The following MCHR2 variants were observed in gnomAD, a reference collection of about 807,000 sequenced individuals.
The protein encoded by MCHR2 is melanin concentrating hormone receptor 2, also known as melanin-concentrating hormone receptor 2.
In MCHR2, 15 loss-of-function variants were observed where a neutral mutation model predicts 24.8. The observed-to-expected ratio is 0.60, with a 90% CI of 0.40 to 0.93. The LOEUF (loss-of-function observed/expected upper bound fraction) is 0.93. MCHR2 is among the 40% of genes least tolerant of loss of function. The probability of loss-of-function intolerance (pLI) is 0.00; values close to 1 mark genes in which losing one functional copy is unlikely to be tolerated. For synonymous variants in MCHR2, 151 were observed against 147.6 expected, an observed-to-expected ratio of 1.02 and a Z score of -0.17; for missense variants, 386 against 408.7, an observed-to-expected ratio of 0.94 and a Z score of 0.48.
intron 1 of MCHR2, among the ~76,000 whole-genome samples, 157 bp downstream of exon 1, chr6:99,993,779 G>C (rs1775933151): frequency 1.3e-5 from 2 of 152,094 alleles, no homozygotes; most frequent in African/African-American, 4.8e-5. Context: ...GGGGATGGAG[G>C]GGGATCCCCC....
intron 5 of MCHR2, among the ~76,000 whole-genome samples, chr6:99,928,874 T>A (rs1201672305): frequency 6.6e-6 from 1 of 152,218 alleles, no homozygotes; most frequent in Non-Finnish European, 1.5e-5. Context: ...TCTTGCCTTC[T>A]GCTAGCTTTT....
intron 5 of MCHR2, among the ~76,000 whole-genome samples, chr6:99,929,521 G>C (rs372294602): frequency 2.0e-5 from 3 of 152,242 alleles, no homozygotes; most frequent in Non-Finnish European, 4.4e-5. Context: ...TCTGGGTGCT[G>C]CTGTATTGGG....
Position 99,929,798 on chromosome 6 carries a change from C to A in MCHR2, c.707+4600G>T, listed in dbSNP as rs554811415. Among the ~76,000 whole-genome samples the A allele has an allele frequency of 2.7e-3, 411 of 150,826 alleles. 2 individuals are homozygous for A. The highest frequency in any genetic ancestry group is 9.5e-3 in the African/African-American group (393 of 41,308). ...GCATCTTGACTCTTTATCCAATTTG[C>A]CAGTCTGTGTCTTTTAATTGGAGCA... On this transcript the variant is annotated intron_variant, in intron 5 of 5. Transcript: ENST00000281806.
chr6:99,965,382 A>C (rs1330859082), intron 1 of MCHR2, among the ~76,000 whole-genome samples: 1 of 152,192 alleles, frequency 6.6e-6, no homozygotes, highest in Non-Finnish European at 1.5e-5. Flanking sequence ...GTTTACAAAA[A>C]TGTAGCAAAA....
intron 5 of MCHR2, among the ~76,000 whole-genome samples, chr6:99,926,410 A>G (rs1302190669): frequency 6.6e-6 from 1 of 152,298 alleles, no homozygotes; most frequent in Non-Finnish European, 1.5e-5. Flanking sequence ...GAATCGCCAC[A>G]CTGACTTCCA....
chr6:99,973,135 G>A (rs1376127525), intron 1 of MCHR2, among the ~76,000 whole-genome samples: 18 of 151,564 alleles, frequency 1.2e-4, no homozygotes, highest in African/African-American at 3.6e-4. Context: ...TTTCTGTCTC[G>A]TTGATCTGTC....
intron 4 of MCHR2, among the ~76,000 whole-genome samples, chr6:99,938,917 T>A (rs1349285833): frequency 6.6e-6 from 1 of 152,124 alleles, no homozygotes. Flanking sequence ...TTTTGCTGAA[T>A]TGACTCCTTT....
chr6:99,923,642 T>A (rs1022465939), intron 5 of MCHR2, among the ~76,000 whole-genome samples: 1 of 151,864 alleles, frequency 6.6e-6, no homozygotes, highest in Admixed American at 6.6e-5. Context: ...GCATTTGATA[T>A]TTCTATTTAT....
Position 99,948,404 on chromosome 6 carries a change from A to G in MCHR2, c.183-433T>C, listed in dbSNP as rs541365716. ...CTTGTGAGGATACTCAAGCAACACT[A>G]TGGAGAGGTCCATGTGGAGAGGAAT... On this transcript the variant is annotated intron_variant, in intron 2 of 5. Transcript: ENST00000281806. Among the ~76,000 whole-genome samples, 3 of 152,238 alleles carry G rather than the reference A, an allele frequency of 2.0e-5. No homozygotes were observed. The South Asian group carries it at 6.2e-4, about 32-fold the overall frequency.
intron 4 of MCHR2, among the ~76,000 whole-genome samples, chr6:99,939,266 T>A (rs1207208659): frequency 6.6e-6 from 1 of 152,160 alleles, no homozygotes; most frequent in Admixed American, 6.6e-5. Flanking sequence ...TTTCTTCTTT[T>A]CTTACTATCT....
At chr6:99,934,956 G>C (rs1227994323) in intron 4 of MCHR2, among the ~76,000 whole-genome samples, 1 of 152,038 alleles carries the variant, frequency 6.6e-6, no homozygotes, top group Non-Finnish European at 1.5e-5. Context: ...GAGGGGTCAA[G>C]TGGCTTGCCC....
At chr6:99,934,803 T>C (rs1189739313) in intron 4 of MCHR2, among the ~76,000 whole-genome samples, 5 of 152,098 alleles carry the variant, frequency 3.3e-5, no homozygotes, top group Non-Finnish European at 5.9e-5. Flanking sequence ...TGTTTAACAA[T>C]GACAGGCAAC....
At chr6:99,937,577 T>C (rs1774688432) in intron 4 of MCHR2, among the ~76,000 whole-genome samples, 2 of 152,014 alleles carry the variant, frequency 1.3e-5, no homozygotes, top group South Asian at 4.2e-4. Context: ...TGATATACGA[T>C]TTTTTTAATG....
intron 1 of MCHR2, among the ~76,000 whole-genome samples, chr6:99,973,612 G>T (rs1156556541): frequency 6.6e-6 from 1 of 152,004 alleles, no homozygotes; most frequent in East Asian, 1.9e-4. Context: ...CATTATGTTA[G>T]CTGGTTATTT....
At chr6:99,968,086 A>G (rs1297108295) in intron 1 of MCHR2, among the ~76,000 whole-genome samples, 1 of 152,216 alleles carries the variant, frequency 6.6e-6, no homozygotes, top group Admixed American at 6.5e-5. Flanking sequence ...TCTAGTAAGT[A>G]TTCAATTAAT....
chr6:99,964,789 T>C (rs184224827), intron 1 of MCHR2, among the ~76,000 whole-genome samples: 2 of 152,212 alleles, frequency 1.3e-5, no homozygotes, highest in Admixed American at 1.3e-4. Flanking sequence ...TTGTGATATA[T>C]TCACACAATG....
At position 99,986,944 on chromosome 6, in the gene MCHR2, G is replaced by T. The variant is rs535448905; in HGVS notation, c.-28+6992C>A. ...TATATAAAAATATAAAAAAGGAAATGATAACATTGGCATATTTCCCCTTCC... is the reference window on the plus strand; with the variant it reads ...TATATAAAAATATAAAAAAGGAAATTATAACATTGGCATATTTCCCCTTCC... On this transcript the variant is annotated intron_variant, in intron 1 of 5. Coordinates refer to ENST00000281806, the MANE Select transcript of MCHR2 (RefSeq NM_001040179.2). Among the ~76,000 whole-genome samples, 83 of 151,270 alleles carry T rather than the reference G, an allele frequency of 5.5e-4. No homozygotes were observed. In the South Asian group the frequency reaches 0.016, roughly 29 times the overall value.
intron 1 of MCHR2, among the ~76,000 whole-genome samples, chr6:99,991,822 A>AAAAAAAG (rs1554197611): frequency 9.9e-5 from 15 of 151,256 alleles, no homozygotes; most frequent in South Asian, 4.2e-4. Flanking sequence ...AAAAAAAAAA[A>AAAAAAAG]AAAAGAAAAG....
chr6:99,992,482 A>G (rs1775901662), intron 1 of MCHR2, among the ~76,000 whole-genome samples: 1 of 152,188 alleles, frequency 6.6e-6, no homozygotes, highest in Non-Finnish European at 1.5e-5. Context: ...GTTTTTGAGG[A>G]GAGCCAGGCT....
Sources: allele counts gnomAD v4.1 joint callset (sites outside exome capture counted in the v4.1 genomes callset), GRCh38; gene constraint gnomAD v4.1.1; transcripts MANE v1.5; gene names NCBI Gene and HGNC (gene_info 2026-07-23, HGNC 2026-07-21).